Variants in SLC2A12 observed in about 807,000 individuals in gnomAD.
SLC2A12 encodes solute carrier family 2 member 12, also known as solute carrier family 2, facilitated glucose transporter member 12.
In SLC2A12, 23 loss-of-function variants were observed where a neutral mutation model predicts 41.8. That is an observed-to-expected ratio of 0.55 (90% CI 0.40 to 0.78). The LOEUF is 0.78. SLC2A12 is among the 30% of genes least tolerant of loss of function. The pLI, the probability that SLC2A12 is intolerant of heterozygous loss-of-function variation, is 0.00. For missense variants in SLC2A12, 654 were observed against 745.6 expected (o/e 0.88, Z 1.43); for synonymous variants, 295 against 285.9 (o/e 1.03, Z -0.32).
At chr6:134,048,693 T>A (rs1413705728) in intron 1 of SLC2A12, among the ~76,000 whole-genome samples, 8 of 152,198 alleles carry the variant, frequency 5.3e-5, no homozygotes, top group African/African-American at 1.7e-4. Context: ...AGCACTATAA[T>A]TTTTGTCACG....
intron 4 of SLC2A12, among the ~76,000 whole-genome samples, chr6:134,000,485 G>A (rs893470896): frequency 2.0e-5 from 3 of 152,166 alleles, no homozygotes; most frequent in Non-Finnish European, 4.4e-5. Flanking sequence ...CACAATATCT[G>A]TAATCATACA....
chr6:134,032,447 T>TATATATATATATAA (rs1162366373), intron 1 of SLC2A12, among the ~76,000 whole-genome samples: 6 of 33,470 alleles, frequency 1.8e-4, no homozygotes, highest in African/African-American at 6.3e-4. Flanking sequence ...TATATATATA[T>TATATATATATATAA]AAATATATAT....
At chr6:134,020,662 G>C (rs1272720641) in intron 2 of SLC2A12, among the ~76,000 whole-genome samples, 1 of 152,152 alleles carries the variant, frequency 6.6e-6, no homozygotes, top group Non-Finnish European at 1.5e-5. Flanking sequence ...AGAATCCATA[G>C]CCTCAAGATA....
At chr6:134,044,217 C>T (rs1333070455) in intron 1 of SLC2A12, among the ~76,000 whole-genome samples, 4 of 152,130 alleles carry the variant, frequency 2.6e-5, no homozygotes, top group Admixed American at 6.5e-5. Flanking sequence ...AAGCCATCTC[C>T]TCCATCAAAG....
At position 133,990,271 on chromosome 6, in the gene SLC2A12, A is replaced by G. The variant is rs969004236; in HGVS notation, c.*884T>C. The G allele has an allele frequency of 3.9e-5, 6 of 152,664 alleles. No homozygotes were observed. Among genetic ancestry groups the G allele is most frequent in the African/African-American group, 1.4e-4 (6 of 41,466 alleles). 9.5% of individuals were successfully genotyped at this position (152,664 alleles called of 1,614,324 possible). ...AATTGGACACTGTGGATTACTATAC[A>G]TTGTCATGAAAGCCTTACAAGGAGG... On this transcript the variant is annotated 3_prime_UTR_variant, in exon 5 of 5. Transcript: ENST00000275230.
At chr6:134,002,431 A>C (rs1776764437) in intron 3 of SLC2A12, among the ~76,000 whole-genome samples, 1 of 152,172 alleles carries the variant, frequency 6.6e-6, no homozygotes, top group South Asian at 2.1e-4. Flanking sequence ...CTTTATTAAT[A>C]TAAAAAAGCA....
chr6:133,997,085 C>CAAAAAAAAAATAA (rs1776705257), intron 4 of SLC2A12, among the ~76,000 whole-genome samples: 1 of 70,716 alleles, frequency 1.4e-5, no homozygotes, highest in African/African-American at 5.5e-5. Context: ...ACTAAAAATA[C>CAAAAAAAAAATAA]AAAAAAAAAA....
intron 3 of SLC2A12, 47 bp downstream of exon 3, chr6:134,006,765 T>C: frequency 1.2e-6 from 2 of 1,609,196 alleles, no homozygotes; most frequent in African/African-American, 1.3e-5. Context: ...CCCTAACATT[T>C]GTCCTACGAG....
At chr6:134,045,275 A>T (rs998139222) in intron 1 of SLC2A12, among the ~76,000 whole-genome samples, 1 of 152,250 alleles carries the variant, frequency 6.6e-6, no homozygotes, top group Non-Finnish European at 1.5e-5. Context: ...CTGGAATCCA[A>T]ATTCACAGAT....
Position 133,990,974 on chromosome 6 carries a change from C to T in SLC2A12, c.*181G>A. 1 of 644,024 alleles carries T rather than the reference C, an allele frequency of 1.6e-6. No homozygotes were observed. The highest frequency in any genetic ancestry group is 2.5e-6 in the Non-Finnish European group (1 of 393,454). The allele number at this position is 644,024 out of a possible 1,614,324, so 39.9% of individuals were successfully genotyped here. A position where few individuals can be genotyped will look rare whatever the true frequency, so the allele number is the denominator to read the frequency against. Reference sequence around the variant, plus strand: ...ACTTAGGACCTTGTACCTCATCTACCTTTTGAGGTTCCTTCTGGGGAGGAG... The same window carrying T: ...ACTTAGGACCTTGTACCTCATCTACTTTTTGAGGTTCCTTCTGGGGAGGAG... On this transcript the variant is annotated 3_prime_UTR_variant, in exon 5 of 5. Coordinates refer to ENST00000275230, the MANE Select transcript of SLC2A12 (RefSeq NM_145176.3).
rs79579343 is a variant in SLC2A12, at chr6:134,039,188, T to C, written c.104-9467A>G. 3.7e-3 allele frequency among the ~76,000 whole-genome samples: 565 copies of C among 152,350 alleles called. 5 individuals are homozygous for C. Among genetic ancestry groups the C allele is most frequent in the African/African-American group, 0.013 (535 of 41,572 alleles). On this transcript the variant is annotated intron_variant, in intron 1 of 4. Coordinates refer to ENST00000275230, the MANE Select transcript of SLC2A12 (RefSeq NM_145176.3). ...TTTAATATATTCATTTCCTCTTTCA[T>C]CTCTAGCTTCTCATCCTTTTCATCT...
intron 2 of SLC2A12, among the ~76,000 whole-genome samples, chr6:134,017,722 C>T (rs1279652923): frequency 6.6e-5 from 10 of 151,960 alleles, no homozygotes; most frequent in South Asian, 2.1e-4. Context: ...GGCGTGGTGG[C>T]GGGCGCCTGT....
Position 134,015,485 on chromosome 6 carries a change from T to C in SLC2A12, c.1445-8551A>G, listed in dbSNP as rs1000371414. Among the ~76,000 whole-genome samples, 10 of 152,156 alleles carry C rather than the reference T, an allele frequency of 6.6e-5. No homozygotes were observed. In the East Asian group the frequency reaches 7.7e-4, roughly 12 times the overall value. ...TGAACTTAAAAGTTGGAAATAAATA[T>C]ATATTTAAAAAATAAATAACCCTCT... On this transcript the variant is annotated intron_variant, in intron 2 of 4. Coordinates refer to ENST00000275230, the MANE Select transcript of SLC2A12 (RefSeq NM_145176.3).
intron 3 of SLC2A12, among the ~76,000 whole-genome samples, chr6:134,006,447 C>T (rs961297691): frequency 1.3e-5 from 2 of 151,942 alleles, no homozygotes; most frequent in Non-Finnish European, 2.9e-5. Flanking sequence ...AATTATAAGA[C>T]AATTAAAACA....
intron 1 of SLC2A12, among the ~76,000 whole-genome samples, chr6:134,046,804 C>A (rs1321643578): frequency 2.0e-5 from 3 of 152,008 alleles, no homozygotes; most frequent in Non-Finnish European, 4.4e-5. Context: ...CTCTGTCTTA[C>A]ATTTTTAAAA....
intron 3 of SLC2A12, among the ~76,000 whole-genome samples, chr6:134,006,560 A>G (rs1393668474): frequency 6.6e-6 from 1 of 152,166 alleles, no homozygotes; most frequent in Non-Finnish European, 1.5e-5. Flanking sequence ...CTATGCTGAA[A>G]TTTTTCAGAA....
At chr6:134,039,307 G>A (rs757240909) in intron 1 of SLC2A12, among the ~76,000 whole-genome samples, 9 of 151,986 alleles carry the variant, frequency 5.9e-5, no homozygotes, top group Non-Finnish European at 7.4e-5. Context: ...CACTCTACAC[G>A]TCATTGATCT....
chr6:134,050,246 ATAAGT>A (rs1215385554), intron 1 of SLC2A12, among the ~76,000 whole-genome samples: 4 of 152,222 alleles, frequency 2.6e-5, no homozygotes, highest in African/African-American at 7.2e-5. Context: ...GATGTTTAAG[ATAAGT>A]TAAGAAAATT....
At chr6:134,006,029 G>T (rs898238269) in intron 3 of SLC2A12, among the ~76,000 whole-genome samples, 8 of 151,808 alleles carry the variant, frequency 5.3e-5, no homozygotes, top group African/African-American at 1.7e-4. Context: ...AAAATTAGCT[G>T]GGTGTGATGC....
Sources: allele counts gnomAD v4.1 joint callset (sites outside exome capture counted in the v4.1 genomes callset), GRCh38; gene constraint gnomAD v4.1.1; transcripts MANE v1.5; gene names NCBI Gene and HGNC (gene_info 2026-07-23, HGNC 2026-07-21).